The following L3MBTL4 variants were observed in gnomAD, a reference collection of about 807,000 sequenced individuals.
The protein encoded by L3MBTL4 is lethal(3)malignant brain tumor-like protein 4.
In L3MBTL4, 70 loss-of-function variants were observed where a neutral mutation model predicts 84.5. The observed-to-expected ratio is 0.83, with a 90% CI of 0.68 to 1.01. The LOEUF is 1.01. L3MBTL4 is among the 50% of genes least tolerant of loss of function. The pLI is 0.00. For synonymous variants in L3MBTL4, 274 were observed against 259.8 expected, an observed-to-expected ratio of 1.05 and a Z score of -0.52; for missense variants, 715 against 754.8, an observed-to-expected ratio of 0.95 and a Z score of 0.62.
At chr18:6,051,304 T>C (rs2056830089) in intron 16 of L3MBTL4, among the ~76,000 whole-genome samples, 2 of 152,190 alleles carry the variant, frequency 1.3e-5, no homozygotes, top group Admixed American at 1.3e-4. Flanking sequence ...TTTCGGAGGC[T>C]GTGGTGGATG....
intron 14 of L3MBTL4, among the ~76,000 whole-genome samples, chr18:6,113,749 A>G (rs9960825): frequency 0.28 from 43,208 of 152,108 alleles, 6,935 homozygotes; most frequent in East Asian, 0.58. Context: ...ATAATGAACA[A>G]CTCAAAGATA....
chr18:6,209,445 C>CA lies in L3MBTL4; in HGVS notation c.981+3703dup, dbSNP rs60613997. On this transcript the variant is annotated intron_variant, in intron 12 of 18. Transcript: ENST00000317931. ...AAGCCCATAAGGCCCACTAAACTGG[C>CA]AAAAAAAAAAAAAAAGCCAAAACAA... is the stretch of plus-strand genomic sequence containing the variant. Among the ~76,000 whole-genome samples the CA allele has an allele frequency of 9.9e-3, 1,123 of 113,890 alleles. 11 individuals are homozygous for CA. The highest frequency in any genetic ancestry group is 0.039 in the East Asian group (176 of 4,558). The allele number at this position is 113,890 out of a possible 152,430, so 74.7% of individuals were successfully genotyped here.
intron 4 of L3MBTL4, among the ~76,000 whole-genome samples, chr18:6,282,856 G>A (rs1419363044): frequency 6.6e-6 from 1 of 152,140 alleles, no homozygotes; most frequent in Non-Finnish European, 1.5e-5. Flanking sequence ...ACGAAAATAA[G>A]TGGACAGATG....
At chr18:6,114,554 C>G (rs1403330684) in intron 14 of L3MBTL4, among the ~76,000 whole-genome samples, 4 of 152,036 alleles carry the variant, frequency 2.6e-5, no homozygotes, top group African/African-American at 7.2e-5. Flanking sequence ...TGTCATAGTG[C>G]CTTGGACACA....
At chr18:6,213,017 C>T (rs1224435044) in intron 12 of L3MBTL4, 132 bp downstream of exon 12, 1 of 570,778 alleles carries the variant, frequency 1.8e-6, no homozygotes, top group African/African-American at 1.9e-5. Flanking sequence ...ATCCAGAACG[C>T]TTTTCCCCCC....
At chr18:6,129,583 A>G (rs2059813335) in intron 14 of L3MBTL4, among the ~76,000 whole-genome samples, 1 of 152,318 alleles carries the variant, frequency 6.6e-6, no homozygotes, top group South Asian at 2.1e-4. Context: ...CTAAAAGTTT[A>G]TCTCTTCAGT....
chr18:6,217,456 A>G (rs546434791), intron 10 of L3MBTL4, among the ~76,000 whole-genome samples: 1 of 152,324 alleles, frequency 6.6e-6, no homozygotes, highest in African/African-American at 2.4e-5. Flanking sequence ...TTGCCTTCAG[A>G]ACATTCATTT....
At chr18:6,114,986 A>G (rs906222804) in intron 14 of L3MBTL4, among the ~76,000 whole-genome samples, 4 of 152,194 alleles carry the variant, frequency 2.6e-5, no homozygotes, top group African/African-American at 9.7e-5. Flanking sequence ...GAAACCTGGT[A>G]AGTGATGTGT....
At chr18:6,171,730 T>A in intron 13 of L3MBTL4, 98 bp downstream of exon 13, 2 of 647,794 alleles carry the variant, frequency 3.1e-6, no homozygotes, top group Non-Finnish European at 5.2e-6. Context: ...TATGTGATGT[T>A]TAGCTTTCAA....
rs757922935 is a variant in L3MBTL4, at chr18:6,213,108, A to G, written c.981+41T>C. The G allele has an allele frequency of 1.6e-5, 18 of 1,155,084 alleles. No homozygotes were observed. The African/African-American group carries it at 2.6e-4, about 16-fold the overall frequency. The allele number at this position is 1,155,084 out of a possible 1,614,324, so 71.6% of individuals were successfully genotyped here. On this transcript the variant is annotated intron_variant, in intron 12 of 18. Transcript: ENST00000317931. The stretch of plus-strand genomic sequence containing the variant: ...GTAGAGGAAACAAAAGTAATGTAGG[A>G]AAAATATTGATATAATAACATAATA...
chr18:6,003,210 A>G (rs2054311843), intron 16 of L3MBTL4, among the ~76,000 whole-genome samples: 2 of 149,232 alleles, frequency 1.3e-5, no homozygotes, highest in African/African-American at 4.9e-5. Flanking sequence ...ATCTCTATAA[A>G]AAAGGATATT....
intron 1 of L3MBTL4, among the ~76,000 whole-genome samples, chr18:6,330,501 GA>G (rs2051975051): frequency 1.3e-5 from 2 of 152,218 alleles, no homozygotes; most frequent in South Asian, 4.1e-4. Flanking sequence ...CCCAGACACA[GA>G]TTCTTCTGCT....
intron 1 of L3MBTL4, among the ~76,000 whole-genome samples, chr18:6,352,494 A>G (rs2053245040): frequency 6.6e-6 from 1 of 152,222 alleles, no homozygotes; most frequent in African/African-American, 2.4e-5. Context: ...CACATGCTCT[A>G]TCTTCTGATC....
chr18:6,228,681 C>T lies in L3MBTL4; in HGVS notation c.784+9283G>A, dbSNP rs1472771825. 2.0e-5 allele frequency among the ~76,000 whole-genome samples: 3 copies of T among 152,166 alleles called. No individual in the cohort carries two copies. The East Asian group carries it at 5.8e-4, about 29-fold the overall frequency. ...ATGGCAAAACAAAACCACAGTGAAACACCACCACACACTTACAGAAAAGCT... is the reference window on the plus strand; with the variant it reads ...ATGGCAAAACAAAACCACAGTGAAATACCACCACACACTTACAGAAAAGCT... On this transcript the variant is annotated intron_variant, in intron 10 of 18. Coordinates refer to ENST00000317931, the MANE Select transcript of L3MBTL4 (RefSeq NM_001330559.2).
At chr18:6,348,675 TACCA>T (rs2053038070) in intron 1 of L3MBTL4, among the ~76,000 whole-genome samples, 1 of 151,830 alleles carries the variant, frequency 6.6e-6, no homozygotes, top group Non-Finnish European at 1.5e-5. Context: ...TACAAAAAGG[TACCA>T]ACCAAAAAAT....
intron 4 of L3MBTL4, among the ~76,000 whole-genome samples, chr18:6,276,827 A>C (rs1287996293): frequency 6.6e-6 from 1 of 152,122 alleles, no homozygotes; most frequent in Non-Finnish European, 1.5e-5. Context: ...GCGGCTCTAT[A>C]AATTTCCGAT....
At chr18:6,167,060 T>A (rs2043704010) in intron 13 of L3MBTL4, among the ~76,000 whole-genome samples, 1 of 152,072 alleles carries the variant, frequency 6.6e-6, no homozygotes, top group Admixed American at 6.5e-5. Context: ...TCTACACAAA[T>A]AAACTAGAAA....
intron 16 of L3MBTL4, among the ~76,000 whole-genome samples, chr18:5,990,790 T>G (rs1342916558): frequency 6.6e-6 from 1 of 151,968 alleles, no homozygotes; most frequent in East Asian, 1.9e-4. Flanking sequence ...TGTGTGTGTG[T>G]GTGTGTGTGT....
At chr18:6,059,336 C>T (rs938988184) in intron 16 of L3MBTL4, among the ~76,000 whole-genome samples, 9 of 152,158 alleles carry the variant, frequency 5.9e-5, no homozygotes, top group Admixed American at 2.6e-4. Context: ...TAAGTATCTA[C>T]GTATTAAAGC....
Sources: allele counts gnomAD v4.1 joint callset (sites outside exome capture counted in the v4.1 genomes callset), GRCh38; gene constraint gnomAD v4.1.1; transcripts MANE v1.5; gene names NCBI Gene and HGNC (gene_info 2026-07-23, HGNC 2026-07-21).